Variants in KALRN observed in about 807,000 individuals in gnomAD.
KALRN encodes kalirin.
In KALRN, 70 loss-of-function variants were observed where a neutral mutation model predicts 353.7. That is an observed-to-expected ratio of 0.20 (90% CI 0.16 to 0.24). The LOEUF is 0.24. KALRN is among the 10% of genes least tolerant of loss of function. The pLI, the probability that KALRN is intolerant of heterozygous loss-of-function variation, is 1.00. For synonymous variants in KALRN, 1,391 were observed against 1,434.8 expected (o/e 0.97, Z 0.69); for missense variants, 2,791 against 3,756.7 (o/e 0.74, Z 6.72).
At chr3:124,104,496 G>A (rs2062123710) in intron 1 of KALRN, among the ~76,000 whole-genome samples, 1 of 137,158 alleles carries the variant, frequency 7.3e-6, no homozygotes, top group Non-Finnish European at 1.5e-5. Flanking sequence ...CAGACTGCCT[G>A]GAGCATCTGT....
At chr3:124,348,345 G>A (rs2149566356) in intron 10 of KALRN, among the ~76,000 whole-genome samples, 1 of 152,324 alleles carries the variant, frequency 6.6e-6, no homozygotes, top group Non-Finnish European at 1.5e-5. Flanking sequence ...GAGGCTCCCA[G>A]CCCCAGACAG....
chr3:124,387,135 G>A (rs1157359109), intron 11 of KALRN, among the ~76,000 whole-genome samples: 1 of 152,146 alleles, frequency 6.6e-6, no homozygotes, highest in Non-Finnish European at 1.5e-5. Flanking sequence ...TCTTGGCTGA[G>A]AAATACACAG....
chr3:124,257,915 C>T (rs2072267471), intron 3 of KALRN, among the ~76,000 whole-genome samples: 1 of 152,238 alleles, frequency 6.6e-6, no homozygotes, highest in African/African-American at 2.4e-5. Context: ...TCACCATACA[C>T]AATGCAAACT....
chr3:124,456,958 A>T (rs2059367003), intron 23 of KALRN, among the ~76,000 whole-genome samples: 1 of 152,016 alleles, frequency 6.6e-6, no homozygotes, highest in Non-Finnish European at 1.5e-5. Flanking sequence ...TCCTAGACAA[A>T]CCCTTCCTCA....
chr3:124,579,994 C>G (rs2074468628), intron 34 of KALRN, among the ~76,000 whole-genome samples: 1 of 152,162 alleles, frequency 6.6e-6, no homozygotes, highest in South Asian at 2.1e-4. Flanking sequence ...TCCTCAAAGA[C>G]AAGTCAAGGT....
rs567564372 is a variant in KALRN, at chr3:124,176,598, C to G, written c.74-51392C>G. 6.6e-5 allele frequency among the ~76,000 whole-genome samples: 10 copies of G among 152,226 alleles called. No homozygotes were observed. In the East Asian group the frequency reaches 1.9e-3, roughly 29 times the overall value. On this transcript the variant is annotated intron_variant, in intron 1 of 59. Transcript: ENST00000682506. The stretch of plus-strand genomic sequence containing the variant: ...GACCCAAACTGTGGAGGGAGACAAG[C>G]AGGAGAAGCTAGGAGTCCCGGCTCC...
At chr3:124,244,535 C>G (rs1048828437) in intron 3 of KALRN, among the ~76,000 whole-genome samples, 1 of 152,192 alleles carries the variant, frequency 6.6e-6, no homozygotes, top group Non-Finnish European at 1.5e-5. Flanking sequence ...CCGCGCCTGG[C>G]CTAGAGCTTT....
intron 53 of KALRN, among the ~76,000 whole-genome samples, chr3:124,695,142 C>A (rs2061992756): frequency 6.6e-6 from 1 of 152,182 alleles, no homozygotes; most frequent in African/African-American, 2.4e-5. Flanking sequence ...ACGACTAATT[C>A]TAAAATGTGC....
At chr3:124,629,918 A>G (rs1260295637) in intron 34 of KALRN, among the ~76,000 whole-genome samples, 1 of 152,174 alleles carries the variant, frequency 6.6e-6, no homozygotes, top group Non-Finnish European at 1.5e-5. Context: ...TTTATAATAC[A>G]TGACCTAATC....
At chr3:124,705,003 A>G (rs1278521345) in intron 57 of KALRN, among the ~76,000 whole-genome samples, 3 of 152,248 alleles carry the variant, frequency 2.0e-5, no homozygotes, top group South Asian at 2.1e-4. Context: ...ATTAAATACT[A>G]TAAAAAGCCA....
At chr3:124,525,283 GTT>G (rs2109062483) in intron 33 of KALRN, among the ~76,000 whole-genome samples, 1 of 152,294 alleles carries the variant, frequency 6.6e-6, no homozygotes, top group South Asian at 2.1e-4. Context: ...CTGCTTTTGA[GTT>G]TCTGGGATGG....
chr3:124,311,535 A>G (rs760730681), intron 6 of KALRN, among the ~76,000 whole-genome samples: 5 of 152,160 alleles, frequency 3.3e-5, no homozygotes, highest in Non-Finnish European at 7.4e-5. Context: ...ATGCTCACAC[A>G]TGGCTGCAGG....
At chr3:124,593,396 C>T (rs34571534) in intron 34 of KALRN, among the ~76,000 whole-genome samples, 5 of 152,154 alleles carry the variant, frequency 3.3e-5, no homozygotes, top group South Asian at 2.1e-4. Context: ...CACCCTGCCC[C>T]GCCTCACCCC....
intron 10 of KALRN, among the ~76,000 whole-genome samples, chr3:124,352,149 G>A (rs1003162983): frequency 2.0e-5 from 3 of 152,050 alleles, no homozygotes; most frequent in Non-Finnish European, 4.4e-5. Flanking sequence ...TAAGGCCACC[G>A]AGTAGTTTTT....
At chr3:124,111,231 G>C (rs929594871) in intron 1 of KALRN, among the ~76,000 whole-genome samples, 1 of 152,078 alleles carries the variant, frequency 6.6e-6, no homozygotes, top group African/African-American at 2.4e-5. Flanking sequence ...TCCCAAGATG[G>C]CTGCCGTAAC....
chr3:124,455,428 C>A, intron 22 of KALRN, 69 bp downstream of exon 22: 1 of 1,437,620 alleles, frequency 7.0e-7, no homozygotes, highest in Non-Finnish European at 9.5e-7. Context: ...GCCCTCATCG[C>A]CATGGAAGAA....
At chr3:124,601,430 A>G (rs974491031) in intron 34 of KALRN, among the ~76,000 whole-genome samples, 3 of 152,240 alleles carry the variant, frequency 2.0e-5, no homozygotes, top group Non-Finnish European at 2.9e-5. Flanking sequence ...TAGGTCTCAA[A>G]CTATTGGCCT....
intron 43 of KALRN, 106 bp from the exon 44 acceptor site, chr3:124,660,817 A>C (rs1444893292): frequency 3.8e-6 from 3 of 786,010 alleles, no homozygotes; most frequent in Non-Finnish European, 4.5e-6. Flanking sequence ...TCTGCTGGGA[A>C]GGAAAGTCTC....
chr3:124,327,849 C>T (rs2080082305), intron 7 of KALRN, among the ~76,000 whole-genome samples: 1 of 152,182 alleles, frequency 6.6e-6, no homozygotes, highest in Admixed American at 6.5e-5. Context: ...AATTAAGAGT[C>T]TAGACTTTGA....
Sources: allele counts gnomAD v4.1 joint callset (sites outside exome capture counted in the v4.1 genomes callset), GRCh38; gene constraint gnomAD v4.1.1; transcripts MANE v1.5; gene names NCBI Gene and HGNC (gene_info 2026-07-23, HGNC 2026-07-21).